Variants in PPM1H observed in about 807,000 individuals in gnomAD.
PPM1H encodes the protein protein phosphatase 1H.
PPM1H carries 27 observed loss-of-function variants against 54.9 expected under a neutral mutation model. The observed-to-expected ratio is 0.49, with a 90% confidence interval of 0.36 to 0.68. PPM1H has a LOEUF of 0.68. PPM1H is among the 30% of genes least tolerant of loss of function. PPM1H has a pLI of 0.00. For synonymous variants in PPM1H, 305 were observed against 270.8 expected, an observed-to-expected ratio of 1.13 and a Z score of -1.24; for missense variants, 596 against 667.8, an observed-to-expected ratio of 0.89 and a Z score of 1.19.
intron 2 of PPM1H, among the ~76,000 whole-genome samples, chr12:62,817,479 C>CA (rs1273163898): frequency 6.7e-6 from 1 of 150,002 alleles, no homozygotes; most frequent in African/African-American, 2.5e-5. Flanking sequence ...AACAAACAAA[C>CA]AAACAAAAAA....
chr12:62,903,854 A>C (rs1257687895), intron 1 of PPM1H, among the ~76,000 whole-genome samples: 1 of 152,160 alleles, frequency 6.6e-6, no homozygotes. Flanking sequence ...TCTAGAAGAG[A>C]ACTGAGAAAT....
chr12:62,832,168 G>C lies in PPM1H; in HGVS notation c.357C>G (p.Ser119=). The C allele has an allele frequency of 6.2e-7, 1 of 1,613,872 alleles. No homozygotes were observed. Among genetic ancestry groups the C allele is most frequent in the Non-Finnish European group, 8.5e-7 (1 of 1,179,844 alleles). The part of the protein sequence containing the change: ...AVTSTPNRNS[S]KRRSSLPNGE... ...CATTGGGAAGGGAGGACCGTCTCTT[G>C]GATGAGTTCCTGTTTGGGGTTGAGG... is the stretch of plus-strand genomic sequence containing the variant. The change falls in exon 2 of 10, where the codon TCC becomes TCG. Residue 119 remains serine (S), a synonymous_variant. Coordinates refer to ENST00000228705, the MANE Select transcript of PPM1H (RefSeq NM_020700.2).
rs1389761760 is a variant in PPM1H, at chr12:62,656,845, T to C, written c.1398-8209A>G. 1.8e-3 allele frequency among the ~76,000 whole-genome samples: 272 copies of C among 152,042 alleles called. 3 individuals are homozygous for C. The highest frequency in any genetic ancestry group is 4.7e-4 in the Non-Finnish European group (32 of 67,966). On this transcript the variant is annotated intron_variant, in intron 9 of 9. Coordinates refer to ENST00000228705, the MANE Select transcript of PPM1H (RefSeq NM_020700.2). Reference sequence around the variant, plus strand: ...GCAGGGGTCTATGGCAGTGGCGTCTTGGTGGGTGGAGGGTCAGGGGTGGCT... The same window carrying C: ...GCAGGGGTCTATGGCAGTGGCGTCTCGGTGGGTGGAGGGTCAGGGGTGGCT...
intron 1 of PPM1H, among the ~76,000 whole-genome samples, chr12:62,834,349 T>C (rs1368396724): frequency 6.6e-6 from 1 of 152,176 alleles, no homozygotes; most frequent in African/African-American, 2.4e-5. Flanking sequence ...AGGGACACAA[T>C]GAGGCTACCT....
intron 5 of PPM1H, among the ~76,000 whole-genome samples, chr12:62,724,968 G>A (rs747930071): frequency 1.3e-5 from 2 of 152,114 alleles, no homozygotes; most frequent in African/African-American, 2.4e-5. Flanking sequence ...CCACACAGAA[G>A]TGTTGTGTGT....
At chr12:62,801,303 C>T (rs1414949000) in intron 3 of PPM1H, among the ~76,000 whole-genome samples, 4 of 151,282 alleles carry the variant, frequency 2.6e-5, no homozygotes, top group Non-Finnish European at 4.4e-5. Flanking sequence ...TGCACTGTCC[C>T]CCTCTTTCAT....
In PPM1H at chr12:62,737,518, T is replaced by C. The variant is rs770217199; in HGVS notation, c.938A>G (p.Gln313Arg). 1.6e-5 allele frequency: 26 copies of C among 1,580,448 alleles called. No individual in the cohort carries two copies. In the Middle Eastern group the frequency reaches 1.5e-3, roughly 91 times the overall value. ...SSEFTPETER[Q>R]RLQYLAFMQP... ...GACTCTTACCAGGTACTGAAGTCGC[T>C]GGCGCTCCGTCTCGGGGGTAAATTC... The change falls in exon 5 of 10, where the codon CAG becomes CGG. Residue 313 changes from glutamine (Q) to arginine (R), a missense_variant. By Grantham distance (43) the Gln-to-Arg change is conservative. Around this residue, in one of 3 missense-constraint regions of PPM1H, gnomAD observed 208 missense variants for 259.5 expected, o/e 0.80. Transcript: ENST00000228705.
chr12:62,875,790 A>G (rs542774697), intron 1 of PPM1H, among the ~76,000 whole-genome samples: 3 of 152,336 alleles, frequency 2.0e-5, no homozygotes, highest in South Asian at 2.1e-4. Flanking sequence ...CTTTTCAACA[A>G]CTTGGAAATT....
chr12:62,923,933 CAA>C (rs1209936658), intron 1 of PPM1H, among the ~76,000 whole-genome samples: 8 of 121,804 alleles, frequency 6.6e-5, no homozygotes, highest in African/African-American at 2.2e-4. Context: ...AAAATAGAAA[CAA>C]TATTTTCATA....
chr12:62,706,198 T>A (rs1024191733), intron 6 of PPM1H, among the ~76,000 whole-genome samples: 1 of 152,020 alleles, frequency 6.6e-6, no homozygotes, highest in Non-Finnish European at 1.5e-5. Flanking sequence ...ACCATGAGAG[T>A]TTTGCACAAG....
chr12:62,817,864 AGATAATCAGCTT>A (rs1420954981), intron 2 of PPM1H, among the ~76,000 whole-genome samples: 3 of 152,170 alleles, frequency 2.0e-5, no homozygotes, highest in African/African-American at 7.2e-5. Flanking sequence ...CTGCTGAGAA[AGATAATCAGCTT>A]TCCTCTCCCC....
intron 1 of PPM1H, among the ~76,000 whole-genome samples, chr12:62,885,785 A>G (rs902482480): frequency 6.6e-6 from 1 of 152,218 alleles, no homozygotes; most frequent in Admixed American, 6.5e-5. Context: ...TAAAACATGG[A>G]ATACTCATGT....
intron 4 of PPM1H, among the ~76,000 whole-genome samples, chr12:62,780,165 G>A (rs946009974): frequency 2.0e-5 from 3 of 152,168 alleles, no homozygotes; most frequent in African/African-American, 7.2e-5. Context: ...TTGCCTTATA[G>A]CTTAAATACT....
Position 62,815,764 on chromosome 12 carries a change from G to A in PPM1H, c.412-13604C>T, listed in dbSNP as rs931902007. On this transcript the variant is annotated intron_variant, in intron 2 of 9. Coordinates refer to ENST00000228705, the MANE Select transcript of PPM1H (RefSeq NM_020700.2). Reference sequence around the variant, plus strand: ...GGGAAAATTGAGGTATGGAGAAGCCGACTGACTTGCACAAGATAACACATC... The same window carrying A: ...GGGAAAATTGAGGTATGGAGAAGCCAACTGACTTGCACAAGATAACACATC... 9.2e-5 allele frequency among the ~76,000 whole-genome samples: 14 copies of A among 152,144 alleles called. No homozygotes were observed. In the East Asian group the frequency reaches 1.7e-3, roughly 19 times the overall value.
chr12:62,803,441 T>C (rs2076784440), intron 2 of PPM1H, among the ~76,000 whole-genome samples: 1 of 152,138 alleles, frequency 6.6e-6, no homozygotes, highest in South Asian at 2.1e-4. Flanking sequence ...GAATACACAT[T>C]AGGGAAAGAA....
intron 4 of PPM1H, among the ~76,000 whole-genome samples, chr12:62,744,202 G>A (rs2076398054): frequency 6.6e-6 from 1 of 151,030 alleles, no homozygotes; most frequent in African/African-American, 2.4e-5. Flanking sequence ...CAGGCGCTGT[G>A]GCTCACACCT....
intron 1 of PPM1H, among the ~76,000 whole-genome samples, chr12:62,888,823 C>A (rs755985034): frequency 2.6e-5 from 4 of 152,144 alleles, no homozygotes; most frequent in Non-Finnish European, 5.9e-5. Flanking sequence ...ACAATTAAGT[C>A]CATTTTACAA....
chr12:62,805,106 A>C (rs2076799027), intron 2 of PPM1H, among the ~76,000 whole-genome samples: 1 of 152,248 alleles, frequency 6.6e-6, no homozygotes, highest in African/African-American at 2.4e-5. Context: ...TAACAAGTAT[A>C]TGAAAACATG....
chr12:62,811,349 T>C (rs1437110097), intron 2 of PPM1H, among the ~76,000 whole-genome samples: 1 of 152,184 alleles, frequency 6.6e-6, no homozygotes, highest in African/African-American at 2.4e-5. Context: ...TAATGGTAAT[T>C]ACTTATACTA....
Sources: allele counts gnomAD v4.1 joint callset (sites outside exome capture counted in the v4.1 genomes callset), GRCh38; gene constraint gnomAD v4.1.1; regional missense constraint gnomAD v4.1.1; transcripts MANE v1.5; gene names NCBI Gene and HGNC (gene_info 2026-07-23, HGNC 2026-07-21).